TBL1XR1: variants seen among roughly 807,000 people sequenced by gnomAD.
TBL1XR1 encodes TBL1X/Y related 1.
Under a neutral mutation model 66.9 loss-of-function variants are expected in TBL1XR1, and 5 were observed. The ratio of observed to expected loss-of-function variants is 0.07; its 90% CI spans 0.04 to 0.16. TBL1XR1 has a LOEUF of 0.16. Among genes scored for constraint, TBL1XR1 ranks in the 10% least tolerant of loss-of-function variants. TBL1XR1 has a pLI of 1.00. For synonymous variants in TBL1XR1, 210 were observed against 206.0 expected (o/e 1.02, Z -0.17); for missense variants, 238 against 623.2 (o/e 0.38, Z 6.58).
intron 5 of TBL1XR1, among the ~76,000 whole-genome samples, chr3:177,051,236 T>C (rs569174696): frequency 6.6e-6 from 1 of 151,830 alleles, no homozygotes; most frequent in African/African-American, 2.4e-5. Flanking sequence ...GCATAGAAGA[T>C]GGGGCATTTC....
At chr3:177,059,138 G>GCT (rs1007119781) in intron 3 of TBL1XR1, among the ~76,000 whole-genome samples, 1 of 152,188 alleles carries the variant, frequency 6.6e-6, no homozygotes, top group African/African-American at 2.4e-5. Flanking sequence ...CAGACGCTGA[G>GCT]CTCTCTTCAC....
At chr3:177,115,612 C>T (rs73187545) in intron 1 of TBL1XR1, among the ~76,000 whole-genome samples, 10,369 of 151,974 alleles carry the variant, frequency 0.068, 518 homozygotes, top group Admixed American at 0.17. Flanking sequence ...ATCCGTACGC[C>T]TCATTCCACT....
At chr3:177,038,068 C>T in intron 12 of TBL1XR1, 30 bp downstream of exon 12, 1 of 1,605,620 alleles carries the variant, frequency 6.2e-7, no homozygotes. Context: ...GTGACACCGC[C>T]AACCCATTTC....
intron 2 of TBL1XR1, among the ~76,000 whole-genome samples, chr3:177,087,501 A>C (rs1212981535): frequency 6.6e-6 from 1 of 152,182 alleles, no homozygotes; most frequent in East Asian, 1.9e-4. Flanking sequence ...TCATAGAAAA[A>C]GAGAGAAAAT....
At chr3:177,117,038 T>C (rs530981843) in intron 1 of TBL1XR1, among the ~76,000 whole-genome samples, 74 of 152,338 alleles carry the variant, frequency 4.9e-4, no homozygotes, top group African/African-American at 1.3e-3. Flanking sequence ...CACACTGCTA[T>C]TGGCATTCCG....
intron 1 of TBL1XR1, among the ~76,000 whole-genome samples, chr3:177,166,021 C>A (rs536820477): frequency 5.3e-5 from 8 of 152,076 alleles, no homozygotes; most frequent in African/African-American, 1.9e-4. Flanking sequence ...GCCTGGGAGG[C>A]GGAGGTTGCA....
At chr3:177,120,845 T>C (rs1026799712) in intron 1 of TBL1XR1, 2 of 152,238 alleles carry the variant, frequency 1.3e-5, no homozygotes, top group African/African-American at 4.8e-5. Flanking sequence ...GTAGCATCTT[T>C]GTACTTCATG....
At chr3:177,186,279 G>A (rs1335988635) in intron 1 of TBL1XR1, among the ~76,000 whole-genome samples, 1 of 152,086 alleles carries the variant, frequency 6.6e-6, no homozygotes, top group Admixed American at 6.6e-5. Flanking sequence ...TTTACTAGGG[G>A]AAAAATCTTA....
At chr3:177,038,281 G>T in intron 11 of TBL1XR1, 32 bp downstream of exon 11, 2 of 1,594,292 alleles carry the variant, frequency 1.3e-6, no homozygotes, top group South Asian at 2.3e-5. Flanking sequence ...TGTTAATCAT[G>T]ACCACTTTAA....
intron 1 of TBL1XR1, among the ~76,000 whole-genome samples, chr3:177,100,594 T>C (rs1274541600): frequency 6.6e-6 from 1 of 151,964 alleles, no homozygotes; most frequent in African/African-American, 2.4e-5. Flanking sequence ...CTGGCCAATT[T>C]TGGTATTTTT....
At chr3:177,072,470 CAAAA>C (rs11362981) in intron 2 of TBL1XR1, among the ~76,000 whole-genome samples, 1 of 128,888 alleles carries the variant, frequency 7.8e-6, no homozygotes, top group Non-Finnish European at 1.7e-5. Flanking sequence ...ACTATGCACT[CAAAA>C]AAAAAAAAAA....
intron 1 of TBL1XR1, among the ~76,000 whole-genome samples, chr3:177,167,387 CTATTA>C (rs1343304067): frequency 1.3e-5 from 2 of 152,050 alleles, no homozygotes; most frequent in African/African-American, 4.8e-5. Flanking sequence ...AAAATCCTCT[CTATTA>C]TAAGGCAAGA....
chr3:177,181,221 T>C (rs1734782308), intron 1 of TBL1XR1, among the ~76,000 whole-genome samples: 1 of 152,050 alleles, frequency 6.6e-6, no homozygotes, highest in African/African-American at 2.4e-5. Context: ...CTGGCGCAGG[T>C]GTAATCTCAG....
chr3:177,094,204 A>G (rs927864072), intron 2 of TBL1XR1, among the ~76,000 whole-genome samples: 2 of 152,030 alleles, frequency 1.3e-5, no homozygotes, highest in African/African-American at 4.8e-5. Context: ...TATACAAATG[A>G]CCAACAAACA....
intron 1 of TBL1XR1, among the ~76,000 whole-genome samples, chr3:177,128,475 G>A (rs1727910450): frequency 1.3e-5 from 2 of 152,098 alleles, no homozygotes; most frequent in African/African-American, 4.8e-5. Flanking sequence ...TCAAGCTCAC[G>A]CGATCATCTC....
chr3:177,082,492 A>G (rs970555875), intron 2 of TBL1XR1, among the ~76,000 whole-genome samples: 6 of 151,638 alleles, frequency 4.0e-5, no homozygotes, highest in African/African-American at 1.5e-4. Context: ...TCTGATACAT[A>G]TATTTAAAAA....
At chr3:177,108,755 G>T (rs1232606143) in intron 1 of TBL1XR1, among the ~76,000 whole-genome samples, 3 of 152,102 alleles carry the variant, frequency 2.0e-5, no homozygotes, top group Non-Finnish European at 2.9e-5. Flanking sequence ...AATACTAATG[G>T]TATTTTTATT....
chr3:177,079,005 T>G (rs1479752419), intron 2 of TBL1XR1, among the ~76,000 whole-genome samples: 1 of 151,906 alleles, frequency 6.6e-6, no homozygotes, highest in Admixed American at 6.6e-5. Context: ...CCAATTTGAG[T>G]ACCGATACAG....
chr3:177,153,222 G>C (rs1005475573), intron 1 of TBL1XR1, among the ~76,000 whole-genome samples: 2 of 152,030 alleles, frequency 1.3e-5, no homozygotes, highest in African/African-American at 4.8e-5. Flanking sequence ...GAAAATGAAG[G>C]GGGAAACAAA....
Sources: allele counts gnomAD v4.1 joint callset (sites outside exome capture counted in the v4.1 genomes callset), GRCh38; gene constraint gnomAD v4.1.1; transcripts MANE v1.5; gene names NCBI Gene and HGNC (gene_info 2026-07-23, HGNC 2026-07-21).